The following SLC2A14 variants were observed in gnomAD, a reference collection of about 807,000 sequenced individuals.
SLC2A14 encodes the protein solute carrier family 2, facilitated glucose transporter member 14.
In SLC2A14, 13 loss-of-function variants were observed where a neutral mutation model predicts 43.0. That is an observed-to-expected ratio of 0.30 (90% confidence interval 0.20 to 0.48). The LOEUF (loss-of-function observed/expected upper bound fraction) is 0.48. Ranked by LOEUF, SLC2A14 falls within the 20% of genes least tolerant of loss-of-function variation. The probability of loss-of-function intolerance (pLI) is 0.99; values close to 1 mark genes in which losing one functional copy is unlikely to be tolerated. For missense variants in SLC2A14, 428 were observed against 620.4 expected (o/e 0.69, Z 3.29); for synonymous variants, 190 against 233.8 (o/e 0.81, Z 1.71).
intron 4 of SLC2A14, 192 bp downstream of exon 4, chr12:7,831,412 G>A: frequency 1.4e-6 from 1 of 730,380 alleles, no homozygotes; most frequent in Non-Finnish European, 2.2e-6. Flanking sequence ...GCACAGCTGG[G>A]TGGGAGCTCT....
intron 7 of SLC2A14, among the ~76,000 whole-genome samples, 159 bp downstream of exon 7, chr12:7,827,336 C>T (rs975494759): frequency 9.6e-5 from 14 of 145,630 alleles, no homozygotes; most frequent in Non-Finnish European, 1.6e-4. Context: ...AGTGCAATGG[C>T]GCAATCTCAG....
At chr12:7,874,936 ATTTATATATAAATAT>A (rs1565585165), upstream of SLC2A14, among the ~76,000 whole-genome samples, 32 of 22,770 alleles carry the variant, frequency 1.4e-3, no homozygotes, top group East Asian at 0.018. Flanking sequence ...TTTATATATA[ATTTATATATAAATAT>A]ATTTATATAT....
In SLC2A14 at chr12:7,884,198, G is replaced by T. The variant is rs769085545; in HGVS notation, c.132+6798C>A. Among the ~76,000 whole-genome samples the T allele has an allele frequency of 2.6e-5, 4 of 152,188 alleles. No homozygotes were observed. The East Asian group carries it at 7.7e-4, about 29-fold the overall frequency. ...GCCTCCCAAAGTGCTGGGATTACAG[G>T]CATGAGCCACCGCGCCCAGCCTGAA... On this transcript the variant is annotated intron_variant, in intron 1 of 9. Coordinates refer to the SLC2A14 transcript ENST00000539924.
chr12:7,861,888 G>T (rs954983814), intron 2 of SLC2A14, among the ~76,000 whole-genome samples: 5 of 151,714 alleles, frequency 3.3e-5, no homozygotes, highest in East Asian at 3.9e-4. Context: ...CTGGAACCCG[G>T]GAGGCAGAGG....
intron 2 of SLC2A14, among the ~76,000 whole-genome samples, chr12:7,858,200 G>A (rs975819857): frequency 1.6e-4 from 25 of 152,030 alleles, no homozygotes; most frequent in Non-Finnish European, 3.7e-4. Context: ...TACCAGTAAG[G>A]CATTTGCCCC....
intron 2 of SLC2A14, among the ~76,000 whole-genome samples, chr12:7,844,418 G>A (rs890677942): frequency 9.2e-5 from 14 of 151,958 alleles, no homozygotes; most frequent in African/African-American, 2.4e-4. Flanking sequence ...TTTCCAGTTC[G>A]AGCTATTATA....
chr12:7,823,081 C>A (rs1014824223), intron 7 of SLC2A14, among the ~76,000 whole-genome samples: 1 of 152,068 alleles, frequency 6.6e-6, no homozygotes, highest in South Asian at 2.1e-4. Context: ...CTAGGCACTG[C>A]GCTAAAATGT....
At chr12:7,831,357 CCTAACTGGA>C in intron 4 of SLC2A14, 1 of 482,278 alleles carries the variant, frequency 2.1e-6, no homozygotes, top group South Asian at 3.4e-5. Context: ...CTGAACTATC[CCTAACTGGA>C]CTGCAAAGGC....
intron 2 of SLC2A14, among the ~76,000 whole-genome samples, chr12:7,855,703 C>CAGCTCACTGCAACCTCGGT (rs368095578): frequency 0.27 from 40,407 of 151,544 alleles, 5,835 homozygotes; most frequent in Middle Eastern, 0.34. Flanking sequence ...AGTTGCACGG[C>CAGCTCACTGCAACCTCGGT]TTCAGCTCAC....
At chr12:7,824,320 T>C (rs1448859468) in intron 7 of SLC2A14, among the ~76,000 whole-genome samples, 1 of 152,104 alleles carries the variant, frequency 6.6e-6, no homozygotes, top group Non-Finnish European at 1.5e-5. Flanking sequence ...GGAAAGATAT[T>C]AGGTTGGTAC....
At chr12:7,874,810 ACG>A (rs1945398205), upstream of SLC2A14, among the ~76,000 whole-genome samples, 3 of 44,506 alleles carry the variant, frequency 6.7e-5, no homozygotes, top group Admixed American at 3.1e-4. Flanking sequence ...ATATATAAAT[ACG>A]TATTTATATA....
rs1863613085 is a variant in SLC2A14, at chr12:7,817,858, T to C, written c.1248A>G (p.Leu416=). The C allele has an allele frequency of 2.5e-6, 4 of 1,614,002 alleles. No individual in the cohort carries two copies. In the East Asian group the frequency reaches 6.7e-5, roughly 27 times the overall value. ...CAGCAGAGGGGAAGAGCAATCCGAC[T>C]AGGAAGTTGGAGGTCCAGTTGGAGC... ...AGCSNWTSNF[L]VGLLFPSAAY... Residue 416 remains leucine, a synonymous_variant, in exon 10 of 11, where the codon CTA becomes CTG. Transcript: ENST00000431042.
At chr12:7,831,901 G>T (rs1374395852) in intron 3 of SLC2A14, 137 bp from the exon 4 acceptor site, 2 of 1,057,054 alleles carry the variant, frequency 1.9e-6, no homozygotes, top group African/African-American at 3.2e-5. Context: ...CTGAGGTCAG[G>T]AGTTGCAGAC....
chr12:7,871,789 C>T, intron 1 of SLC2A14: 1 of 506,180 alleles, frequency 2.0e-6, no homozygotes, highest in South Asian at 8.5e-5. Context: ...CCCACCCAAA[C>T]ACAAGTTCAC....
chr12:7,883,551 C>T (rs1347566854), intron 1 of SLC2A14, among the ~76,000 whole-genome samples: 2 of 150,686 alleles, frequency 1.3e-5, no homozygotes, highest in Non-Finnish European at 3.0e-5. Context: ...CAGGCATGAG[C>T]CACCACGCCC....
chr12:7,856,735 C>A (rs1867419250), intron 2 of SLC2A14, among the ~76,000 whole-genome samples: 1 of 152,076 alleles, frequency 6.6e-6, no homozygotes. Flanking sequence ...GTTAGACATA[C>A]AAATTCTCGG....
At chr12:7,873,081 CT>C, upstream of SLC2A14, 1 of 985,556 alleles carries the variant, frequency 1.0e-6, no homozygotes, top group Non-Finnish European at 1.2e-6. Context: ...GGCTTCTCAC[CT>C]GCGCACCGCA....
rs797021024 is a variant in SLC2A14, at chr12:7,867,306, A to AC, written c.18+2556_18+2557insG. Among the ~76,000 whole-genome samples the AC allele has an allele frequency of 3.9e-3, 503 of 129,934 alleles. 19 individuals are homozygous for AC. Among genetic ancestry groups the AC allele is most frequent in the African/African-American group, 0.013 (451 of 35,410 alleles). 85.2% of individuals were successfully genotyped at this position (129,934 alleles called of 152,430 possible). ...AAAAAAAAAAAAAAAAAAAACAAAA[A>AC]AAACATTCGTGATTCATGGGAGGAG... On this transcript the variant is annotated intron_variant, in intron 2 of 10. Transcript: ENST00000431042.
intron 8 of SLC2A14, among the ~76,000 whole-genome samples, chr12:7,820,218 C>T (rs930206182): frequency 7.3e-6 from 1 of 136,882 alleles, no homozygotes; most frequent in Non-Finnish European, 1.5e-5. Context: ...CAGGATCCCT[C>T]CAGACCTCGC....
Sources: gnomAD v4.1 joint callset for allele counts (sites outside exome capture counted in the v4.1 genomes callset) on GRCh38, gnomAD v4.1.1 for gene constraint, MANE v1.5 for transcripts, NCBI Gene and HGNC (gene_info 2026-07-23, HGNC 2026-07-21) for gene names.